The following COL6A6 variants were observed in gnomAD, a reference collection of about 807,000 sequenced individuals.
COL6A6 encodes collagen type VI alpha 6 chain, also known as collagen alpha-6(VI) chain.
A neutral mutation model predicts 208.6 loss-of-function variants in COL6A6; 183 were observed. The observed-to-expected ratio is 0.88, with a 90% CI of 0.78 to 0.99. The LOEUF (loss-of-function observed/expected upper bound fraction) is 0.99. COL6A6 is among the 50% of genes least tolerant of loss of function. COL6A6 has a pLI of 0.00. For synonymous variants in COL6A6, 973 were observed against 1,011.8 expected (o/e 0.96, Z 0.73); for missense variants, 2,816 against 2,815.2 (o/e 1.00, Z -0.01).
intron 34 of COL6A6, among the ~76,000 whole-genome samples, chr3:130,661,045 G>C (rs1234145606): frequency 6.6e-6 from 1 of 151,934 alleles, no homozygotes; most frequent in Admixed American, 6.6e-5. Context: ...CCTCATTTAG[G>C]AAAGTCCATT....
In COL6A6 at chr3:130,675,213, G is replaced by T; in HGVS notation, c.6608G>T (p.Gly2203Val). 1 of 1,572,004 alleles carries T rather than the reference G, an allele frequency of 6.4e-7. No homozygotes were observed. The highest frequency in any genetic ancestry group is 1.2e-5 in the South Asian group (1 of 84,544). Residue 2203 changes from glycine to valine, a missense_variant, in exon 37 of 37, where the codon GGA (glycine) becomes GTA (valine). Physicochemically the swap from Gly to Val is moderately radical, Grantham distance 109. Transcript: ENST00000358511. Reference sequence around the variant, plus strand: ...CTTTTGTTGTATAGCTTTGTTCCTGGACCACTTAAAGCTACCCTCAAAGAA... The same window carrying T: ...CTTTTGTTGTATAGCTTTGTTCCTGTACCACTTAAAGCTACCCTCAAAGAA... ...PPRPFRSFVPGPLKATLKEDV... is the reference protein window; with the variant it reads ...PPRPFRSFVPVPLKATLKEDV...
chr3:130,610,947 A>G (rs1355838919), intron 23 of COL6A6, among the ~76,000 whole-genome samples: 3 of 152,196 alleles, frequency 2.0e-5, no homozygotes, highest in Non-Finnish European at 1.5e-5. Context: ...CTGCTCAGCT[A>G]TGTAAATCAG....
At chr3:130,527,890 C>CTTTTTTTTTTTTTTTTTTTTTTTTT (rs56110472) in intron 1 of COL6A6, among the ~76,000 whole-genome samples, 2 of 57,814 alleles carry the variant, frequency 3.5e-5, no homozygotes, top group African/African-American at 6.1e-5. Flanking sequence ...GTTACTTTTC[C>CTTTTTTTTTTTTTTTTTTTTTTTTT]TTTTTTTTTT....
At chr3:130,607,124 A>T (rs993330716) in intron 21 of COL6A6, among the ~76,000 whole-genome samples, 158 bp downstream of exon 21, 4 of 152,208 alleles carry the variant, frequency 2.6e-5, no homozygotes, top group African/African-American at 2.4e-5. Flanking sequence ...TTAAGAGTTC[A>T]TATTTTAAAA....
chr3:130,646,576 A>G (rs902499755), intron 32 of COL6A6, among the ~76,000 whole-genome samples: 2 of 152,220 alleles, frequency 1.3e-5, no homozygotes, highest in Non-Finnish European at 2.9e-5. Flanking sequence ...TCCGTCTCAA[A>G]CAAAAAAAAC....
chr3:130,574,222 G>A lies in COL6A6; in HGVS notation c.3244G>A (p.Ala1082Thr), dbSNP rs2063238996. The change falls in exon 8 of 37, where the codon GCA becomes ACA. Residue 1082 changes from alanine (A) to threonine (T), a missense_variant. By Grantham distance (58) the Ala-to-Thr change is moderately conservative. Coordinates refer to ENST00000358511, the MANE Select transcript of COL6A6 (RefSeq NM_001102608.3). Reference protein sequence around the residue: ...QIFGNTHIGAALREVEHYFRP... With the variant: ...QIFGNTHIGATLREVEHYFRP... Reference sequence around the variant, plus strand: ...CTTTGGAAACACACACATCGGTGCTGCACTCAGGGAGGTGGAACATTACTT... The same window carrying A: ...CTTTGGAAACACACACATCGGTGCTACACTCAGGGAGGTGGAACATTACTT... 3 of 1,613,914 alleles carry A rather than the reference G, an allele frequency of 1.9e-6. No individual in the cohort carries two copies. The highest frequency in any genetic ancestry group is 2.5e-6 in the Non-Finnish European group (3 of 1,179,902).
intron 1 of COL6A6, among the ~76,000 whole-genome samples, chr3:130,526,191 C>T (rs2061957485): frequency 6.6e-6 from 1 of 151,924 alleles, no homozygotes; most frequent in South Asian, 2.1e-4. Flanking sequence ...ATGGGGTGGT[C>T]AGGGAGGCTT....
chr3:130,674,485 C>T (rs934902716), intron 36 of COL6A6, among the ~76,000 whole-genome samples: 6 of 152,192 alleles, frequency 3.9e-5, no homozygotes, highest in Non-Finnish European at 7.3e-5. Context: ...CCCAGCCAGG[C>T]TCTTTCTGTG....
rs2066328285 is a variant in COL6A6, at chr3:130,675,206, GT to G, written c.6603del (p.Pro2202LeufsTer28). 1 of 1,564,688 alleles carries G rather than the reference GT, an allele frequency of 6.4e-7. No individual in the cohort carries two copies. The highest frequency in any genetic ancestry group is 1.4e-5 in the African/African-American group (1 of 73,482). ...ATGTTCTCTTTTGTTGTATAGCTTTGTTCCTGGACCACTTAAAGCTACCCTC... is the reference window on the plus strand; with the variant it reads ...ATGTTCTCTTTTGTTGTATAGCTTTGTCCTGGACCACTTAAAGCTACCCTC... ...KQPPRPFRSF[V>X]PGPLKATLKE... On this transcript the variant is annotated frameshift_variant, in exon 37 of 37. Coordinates refer to ENST00000358511, the MANE Select transcript of COL6A6 (RefSeq NM_001102608.3). LOFTEE classifies it low-confidence loss of function (END_TRUNC).
intron 1 of COL6A6, among the ~76,000 whole-genome samples, chr3:130,549,732 G>A (rs1230282743): frequency 2.6e-4 from 40 of 152,112 alleles, no homozygotes; most frequent in Admixed American, 2.2e-3. Context: ...GGCTCTATTC[G>A]GTTCCATTGG....
chr3:130,539,103 G>T (rs1464352959), intron 1 of COL6A6, among the ~76,000 whole-genome samples: 1 of 152,160 alleles, frequency 6.6e-6, no homozygotes, highest in Non-Finnish European at 1.5e-5. Context: ...CTCCATTCCA[G>T]CCAATCAGAA....
chr3:130,608,306 T>C (rs1324894123), intron 21 of COL6A6, among the ~76,000 whole-genome samples: 1 of 152,196 alleles, frequency 6.6e-6, no homozygotes, highest in Admixed American at 6.5e-5. Flanking sequence ...TTCTGATTTC[T>C]AGGAAAAGGT....
At chr3:130,532,043 T>C (rs569796081) in intron 1 of COL6A6, among the ~76,000 whole-genome samples, 1 of 152,336 alleles carries the variant, frequency 6.6e-6, no homozygotes, top group South Asian at 2.1e-4. Context: ...GATTTGCATA[T>C]CATATTTTGC....
At position 130,565,727 on chromosome 3, in the gene COL6A6, C is replaced by T. The variant is rs563083798; in HGVS notation, c.1282+113C>T. ...AAGATGTGGATGGGAAGGATAAGTT[C>T]CTAATTCTTTTACTTGAGCTTGAAA... On this transcript the variant is annotated intron_variant, in intron 4 of 36. Coordinates refer to ENST00000358511, the MANE Select transcript of COL6A6 (RefSeq NM_001102608.3). 4,507 of 1,257,572 alleles carry T rather than the reference C, an allele frequency of 3.6e-3. 12 individuals are homozygous for T. The highest frequency in any genetic ancestry group is 4.4e-3 in the Non-Finnish European group (4,135 of 934,982). The allele number at this position is 1,257,572 out of a possible 1,614,324, so 77.9% of individuals were successfully genotyped here.
At chr3:130,617,626 C>T (rs966208456) in intron 23 of COL6A6, among the ~76,000 whole-genome samples, 1 of 152,130 alleles carries the variant, frequency 6.6e-6, no homozygotes, top group Non-Finnish European at 1.5e-5. Context: ...ATTAGCTCAC[C>T]ATTTGATGGC....
In COL6A6 at chr3:130,649,518, G is replaced by A. The variant is rs369519269; in HGVS notation, c.5689G>A (p.Val1897Met). ...CGGCGCGCTTGAAATCATTCCCGTG[G>A]TGATCACTTTCAGCAACGTGCCCTC... Reference protein sequence around the residue: ...EFGALEIIPVVITFSNVPSVR... With the variant: ...EFGALEIIPVMITFSNVPSVR... The change falls in exon 33 of 37, where the codon GTG becomes ATG. Residue 1897 changes from valine (V) to methionine (M), a missense_variant. Coordinates refer to ENST00000358511, the MANE Select transcript of COL6A6 (RefSeq NM_001102608.3). The A allele has an allele frequency of 3.6e-4, 583 of 1,603,398 alleles. No individual in the cohort carries two copies. Among genetic ancestry groups the A allele is most frequent in the Non-Finnish European group, 4.5e-4 (524 of 1,174,680 alleles).
chr3:130,663,491 G>GA (rs35586358), intron 35 of COL6A6, among the ~76,000 whole-genome samples: 1 of 151,680 alleles, frequency 6.6e-6, no homozygotes, highest in Non-Finnish European at 1.5e-5. Context: ...AAGAGCTGAG[G>GA]AAAAAAAGGA....
At chr3:130,591,998 A>G (rs547739134) in intron 13 of COL6A6, among the ~76,000 whole-genome samples, 1 of 152,296 alleles carries the variant, frequency 6.6e-6, no homozygotes, top group African/African-American at 2.4e-5. Context: ...CATGGATGGA[A>G]CCCAGGTCAC....
Position 130,644,886 on chromosome 3 carries a change from T to C in COL6A6, c.5228-105T>C. 5.0e-6 allele frequency: 5 copies of C among 997,446 alleles called. No individual in the cohort carries two copies. In the Admixed American group the frequency reaches 9.0e-5, roughly 18 times the overall value. The allele number at this position is 997,446 out of a possible 1,614,324, so 61.8% of individuals were successfully genotyped here. ...AAACTCTGTTGCCTTGATTTTTGAGTCATCTACAAAAAGCAGACAGGATAG... is the reference window on the plus strand; with the variant it reads ...AAACTCTGTTGCCTTGATTTTTGAGCCATCTACAAAAAGCAGACAGGATAG... On this transcript the variant is annotated intron_variant, in intron 31 of 36. Coordinates refer to ENST00000358511, the MANE Select transcript of COL6A6 (RefSeq NM_001102608.3).
Sources: allele counts gnomAD v4.1 joint callset (sites outside exome capture counted in the v4.1 genomes callset), GRCh38; gene constraint gnomAD v4.1.1; transcripts MANE v1.5; gene names NCBI Gene and HGNC (gene_info 2026-07-23, HGNC 2026-07-21).